The following DCBLD1 variants were observed in gnomAD, a reference collection of about 807,000 sequenced individuals.
DCBLD1 encodes the protein discoidin, CUB and LCCL domain containing 1, also known as discoidin, CUB and LCCL domain-containing protein 1.
In DCBLD1, 57 loss-of-function variants were observed where a neutral mutation model predicts 71.5. The ratio of observed to expected loss-of-function variants is 0.80; its 90% confidence interval spans 0.64 to 0.99. The LOEUF (loss-of-function observed/expected upper bound fraction) is 0.99, where lower values mean the gene tolerates loss of function less well. Among genes scored for constraint, DCBLD1 ranks in the 50% least tolerant of loss-of-function variants. The pLI, the probability that DCBLD1 is intolerant of heterozygous loss-of-function variation, is 0.00. For missense variants in DCBLD1, 891 were observed against 923.5 expected (o/e 0.96, Z 0.46); for synonymous variants, 380 against 363.8 (o/e 1.04, Z -0.51).
chr6:117,495,081 A>G (rs1777426014), intron 1 of DCBLD1, among the ~76,000 whole-genome samples: 1 of 152,182 alleles, frequency 6.6e-6, no homozygotes, highest in Non-Finnish European at 1.5e-5. Flanking sequence ...TAAACCACCC[A>G]GACTAGTACC....
At chr6:117,491,470 A>T (rs554742427) in intron 1 of DCBLD1, among the ~76,000 whole-genome samples, 30 of 152,322 alleles carry the variant, frequency 2.0e-4, no homozygotes, top group African/African-American at 7.0e-4. Context: ...GTCTTTTGAG[A>T]CTTCAAAATC....
chr6:117,512,654 C>T (rs1264012676), intron 2 of DCBLD1, among the ~76,000 whole-genome samples: 2 of 152,178 alleles, frequency 1.3e-5, no homozygotes, highest in Non-Finnish European at 2.9e-5. Context: ...TTCCATGTGG[C>T]TGTCTCCACC....
intron 1 of DCBLD1, among the ~76,000 whole-genome samples, chr6:117,500,871 C>T (rs1441003718): frequency 1.3e-5 from 2 of 151,158 alleles, no homozygotes; most frequent in African/African-American, 4.9e-5. Context: ...TCAAAAAAAA[C>T]AGTGACACCC....
At chr6:117,555,684 T>C (rs1779486934) in intron 14 of DCBLD1, among the ~76,000 whole-genome samples, 1 of 152,206 alleles carries the variant, frequency 6.6e-6, no homozygotes, top group Admixed American at 6.5e-5. Flanking sequence ...GTCACTCCAC[T>C]ACAGCCAAAC....
At chr6:117,547,028 G>A (rs779329215) in intron 14 of DCBLD1, among the ~76,000 whole-genome samples, 1 of 152,094 alleles carries the variant, frequency 6.6e-6, no homozygotes, top group East Asian at 1.9e-4. Context: ...CCTGATTCCT[G>A]TCCCAAAGGG....
At chr6:117,513,310 AC>A (rs773398772) in intron 2 of DCBLD1, among the ~76,000 whole-genome samples, 4 of 152,116 alleles carry the variant, frequency 2.6e-5, no homozygotes, top group Non-Finnish European at 4.4e-5. Context: ...AGAGGAACTG[AC>A]CTACTGTGCT....
intron 12 of DCBLD1, among the ~76,000 whole-genome samples, chr6:117,543,777 C>T (rs553301502): frequency 2.6e-5 from 4 of 152,288 alleles, no homozygotes. Context: ...CTGTGCTTCT[C>T]CTCCCTGAAG....
downstream of DCBLD1, among the ~76,000 whole-genome samples, chr6:117,550,210 C>T (rs938619071): frequency 6.6e-5 from 10 of 151,998 alleles, no homozygotes; most frequent in Non-Finnish European, 1.0e-4. Context: ...AGTTCTTCTG[C>T]GGCACTAGTG....
At chr6:117,541,092 T>G in intron 11 of DCBLD1, 67 bp downstream of exon 11, 1 of 1,491,318 alleles carries the variant, frequency 6.7e-7, no homozygotes, top group Non-Finnish European at 9.2e-7. Context: ...ATCAGTAACT[T>G]CAACAAAATT....
chr6:117,561,955 A>T (rs1345595747), intron 14 of DCBLD1: 1 of 207,874 alleles, frequency 4.8e-6, no homozygotes, highest in African/African-American at 2.3e-5. Flanking sequence ...AAATGAAGAT[A>T]CTGATAATAT....
chr6:117,567,884 C>T (rs530965794), intron 14 of DCBLD1, among the ~76,000 whole-genome samples: 3 of 152,036 alleles, frequency 2.0e-5, no homozygotes, highest in Non-Finnish European at 2.9e-5. Flanking sequence ...AACAATGAAA[C>T]ATTCAAGTAA....
chr6:117,498,748 A>C (rs1777549148), intron 1 of DCBLD1, among the ~76,000 whole-genome samples: 2 of 152,028 alleles, frequency 1.3e-5, no homozygotes, highest in African/African-American at 4.8e-5. Flanking sequence ...CTTTTTTGCC[A>C]GGTATTTTAA....
intron 1 of DCBLD1, among the ~76,000 whole-genome samples, chr6:117,500,370 A>C (rs1249571930): frequency 6.6e-6 from 1 of 152,210 alleles, no homozygotes; most frequent in Non-Finnish European, 1.5e-5. Flanking sequence ...TGGCAGAACA[A>C]AGACTCATGG....
chr6:117,495,180 C>T (rs562380415), intron 1 of DCBLD1, among the ~76,000 whole-genome samples: 3 of 142,386 alleles, frequency 2.1e-5, no homozygotes, highest in Admixed American at 6.8e-5. Flanking sequence ...CTTTCTCAGC[C>T]GATTAAAGCA....
At chr6:117,494,743 G>C (rs951695184) in intron 1 of DCBLD1, 1 of 152,092 alleles carries the variant, frequency 6.6e-6, no homozygotes, top group East Asian at 1.9e-4. Flanking sequence ...TATAACTTCA[G>C]TATCATTTTT....
chr6:117,560,055 A>G (rs2114593211), intron 14 of DCBLD1, among the ~76,000 whole-genome samples: 1 of 152,354 alleles, frequency 6.6e-6, no homozygotes, highest in South Asian at 2.1e-4. Flanking sequence ...GAACTTCTAA[A>G]TCATATATAC....
chr6:117,540,504 C>T (rs547689445), intron 9 of DCBLD1, 164 bp from the exon 10 acceptor site: 21 of 730,040 alleles, frequency 2.9e-5, no homozygotes, highest in Non-Finnish European at 4.4e-5. Context: ...GATAAATTGG[C>T]CCTTGTTTGC....
rs1169175815 is a variant in DCBLD1, at chr6:117,503,832, G to A, written c.178G>A (p.Gly60Arg). ...CACAATGACATCTAAGAATTATCCC[G>A]GGACCTACCCCAATCACACTGTTTG... ...SGTMTSKNYPGTYPNHTVCEK... is the reference protein window; with the variant it reads ...SGTMTSKNYPRTYPNHTVCEK... The change falls in exon 2 of 15, where the codon GGG becomes AGG. Residue 60 changes from glycine (G) to arginine (R), a missense_variant. By Grantham distance (125) the Gly-to-Arg change is moderately radical. Coordinates refer to ENST00000338728, the MANE Select transcript of DCBLD1 (RefSeq NM_001366458.2). The A allele has an allele frequency of 5.0e-6, 8 of 1,613,844 alleles. No individual in the cohort carries two copies. The East Asian group carries it at 8.9e-5, about 18-fold the overall frequency.
chr6:117,539,388 T>C lies in DCBLD1; in HGVS notation c.1101+9T>C, dbSNP rs1214947125. ...TGAATAATGAAGAAAAGGTAAGAGGTAACCCTAGAGGCAAGAGAACTGAGT... is the reference window on the plus strand; with the variant it reads ...TGAATAATGAAGAAAAGGTAAGAGGCAACCCTAGAGGCAAGAGAACTGAGT... On this transcript the variant is annotated intron_variant, in intron 9 of 14. Coordinates refer to ENST00000338728, the MANE Select transcript of DCBLD1 (RefSeq NM_001366458.2). 6.3e-7 allele frequency: 1 copy of C among 1,598,698 alleles called. No individual in the cohort carries two copies. The highest frequency in any genetic ancestry group is 8.5e-7 in the Non-Finnish European group (1 of 1,176,334).
Sources: gnomAD v4.1 joint callset for allele counts (sites outside exome capture counted in the v4.1 genomes callset) on GRCh38, gnomAD v4.1.1 for gene constraint, MANE v1.5 for transcripts, NCBI Gene and HGNC (gene_info 2026-07-23, HGNC 2026-07-21) for gene names.